The following CARMIL2 variants were observed in gnomAD, a reference collection of about 807,000 sequenced individuals.
The protein encoded by CARMIL2 is capping protein regulator and myosin 1 linker 2.
A neutral mutation model predicts 173.3 loss-of-function variants in CARMIL2; 96 were observed. That is an observed-to-expected ratio of 0.55 (90% CI 0.47 to 0.66). The LOEUF (loss-of-function observed/expected upper bound fraction) is 0.66, where lower values mean the gene tolerates loss of function less well. CARMIL2 is among the 30% of genes least tolerant of loss of function. The pLI is 0.00. For missense variants in CARMIL2, 1,771 were observed against 1,906.7 expected (o/e 0.93, Z 1.33); for synonymous variants, 830 against 817.1 (o/e 1.02, Z -0.27).
At position 67,645,410 on chromosome 16, in the gene CARMIL2, G is replaced by C; in HGVS notation, c.40+124G>C. On this transcript the variant is annotated intron_variant, in intron 1 of 37. Transcript: ENST00000334583. ...CTCCCTGCTCCCCAGGAGGGCAGGC[G>C]CCCCAGATCCTCTCCCCTCCTTCCT... is the stretch of plus-strand genomic sequence containing the variant. 3 of 1,362,920 alleles carry C rather than the reference G, an allele frequency of 2.2e-6. No individual in the cohort carries two copies. The Middle Eastern group carries it at 5.5e-4, about 250-fold the overall frequency. The allele number at this position is 1,362,920 out of a possible 1,614,324, so 84.4% of individuals were successfully genotyped here.
chr16:67,650,749 G>A, intron 22 of CARMIL2: 1 of 177,392 alleles, frequency 5.6e-6, no homozygotes, highest in African/African-American at 2.4e-5. Flanking sequence ...ACCCTTCCAG[G>A]TCTCTCCTGG....
chr16:67,648,858 G>C lies in CARMIL2; in HGVS notation c.1510-35G>C, dbSNP rs761855724. 1.9e-6 allele frequency: 3 copies of C among 1,586,656 alleles called. No individual in the cohort carries two copies. The highest frequency in any genetic ancestry group is 2.3e-5 in the South Asian group (2 of 87,548). ...CCCCTCCCCACTCGCGGCCTAAGTG[G>C]GTCCCACTTCCCACCTCCCACCTCC... On this transcript the variant is annotated intron_variant, in intron 16 of 37. Transcript: ENST00000334583. The surrounding 1 kb of genome is among the most constrained non-coding windows in gnomAD (Gnocchi z 6.1).
At position 67,651,691 on chromosome 16, in the gene CARMIL2, A is replaced by T; in HGVS notation, c.2434A>T (p.Thr812Ser). ...CTGACTGACCTTTGTCTAGGACTTC[A>T]CTCAGGCCACACTGGACACAGCAAG... is the stretch of plus-strand genomic sequence containing the variant. ...EVCRQDIQDF[T>S]QATLDTARSL... The change falls in exon 25 of 38, where the codon ACT becomes TCT. Residue 812 changes from threonine (T) to serine (S), a missense_variant. Thr to Ser is a moderately conservative substitution (Grantham distance 58). Around this residue, in one of 3 missense-constraint regions of CARMIL2, gnomAD observed 817 missense variants for 903.5 expected, o/e 0.90. Coordinates refer to ENST00000334583, the MANE Select transcript of CARMIL2 (RefSeq NM_001013838.3). This position sits in a 1 kb window ranked among gnomAD's most constrained non-coding sequence, Gnocchi z 4.2. The T allele has an allele frequency of 6.2e-7, 1 of 1,606,340 alleles. No individual in the cohort carries two copies. The highest frequency in any genetic ancestry group is 8.5e-7 in the Non-Finnish European group (1 of 1,177,142).
chr16:67,645,487 C>T (rs1196276456), intron 1 of CARMIL2, 53 bp from the exon 2 acceptor site: 5 of 1,484,518 alleles, frequency 3.4e-6, no homozygotes, highest in Non-Finnish European at 3.7e-6. Flanking sequence ...ACTGTGGGCA[C>T]CAGTGGCTTC....
rs746945325 is a variant in CARMIL2 at position 67,657,308 on chromosome 16, C to T, written c.4187C>T (p.Pro1396Leu). 6.2e-7 allele frequency: 1 copy of T among 1,613,768 alleles called. No homozygotes were observed. The highest frequency in any genetic ancestry group is 1.1e-5 in the South Asian group (1 of 91,046). Residue 1396 changes from proline (P) to leucine (L), a missense_variant, in exon 37 of 38, where the codon CCA becomes CTA. Pro to Leu is a moderately conservative substitution (Grantham distance 98). Coordinates refer to ENST00000334583, the MANE Select transcript of CARMIL2 (RefSeq NM_001013838.3). The surrounding 1 kb of genome is among the most constrained non-coding windows in gnomAD (Gnocchi z 4.5). ...CCAAAACTCGAGGCACCTCCATCCC[C>T]AAGCCTAGGTAAGAGGGGGTCCAGG... ...RRPKLEAPPS[P>L]SLGSGLGTEP...
Position 67,654,385 on chromosome 16 carries a change from G to A in CARMIL2, c.3275G>A (p.Arg1092His), listed in dbSNP as rs749823173. The A allele has an allele frequency of 2.5e-6, 4 of 1,606,958 alleles. No individual in the cohort carries two copies. The highest frequency in any genetic ancestry group is 2.7e-5 in the African/African-American group (2 of 74,776). The part of the protein sequence containing the change: ...ATEGGATPVP[R>H]TLRKKLGTLF... Reference sequence around the variant, plus strand: ...GAGGGGGGCGCCACTCCTGTCCCCCGTACACTGCGAAAGAAGCTGGGCACC... The same window carrying A: ...GAGGGGGGCGCCACTCCTGTCCCCCATACACTGCGAAAGAAGCTGGGCACC... Residue 1092 changes from arginine (R) to histidine (H), a missense_variant, in exon 31 of 38, where the codon CGT becomes CAT. Arg to His is a conservative substitution (Grantham distance 29, BLOSUM62 0). This residue lies in a region of CARMIL2 where 817 missense variants were observed against 903.5 expected (regional missense o/e 0.90). Transcript: ENST00000334583.
In CARMIL2 at chr16:67,648,526, C is replaced by T. The variant is rs1175866263; in HGVS notation, c.1439+24C>T. The T allele has an allele frequency of 1.9e-5, 27 of 1,458,504 alleles. No individual in the cohort carries two copies. The highest frequency in any genetic ancestry group is 2.2e-5 in the Non-Finnish European group (24 of 1,097,774). 90.3% of individuals were successfully genotyped at this position (1,458,504 alleles called of 1,614,324 possible). ...AGGTCAGTGTCGGACCCCGGCCACG[C>T]CCCCGCGGGCGCTCCCACCCTGCCC... On this transcript the variant is annotated intron_variant, in intron 15 of 37. Transcript: ENST00000334583. This position sits in a 1 kb window ranked among gnomAD's most constrained non-coding sequence, Gnocchi z 6.1.
chr16:67,657,481 C>A lies in CARMIL2; in HGVS notation c.4271C>A (p.Pro1424Gln), dbSNP rs750403914. ...AGCCCTGAGCGGAGCCCACCCTCCC[C>A]AGCCACAGACCAAAGAGGCGGCGGC... ...PSSPERSPPS[P>Q]ATDQRGGGPN... The change falls in exon 38 of 38, where the codon CCA becomes CAA. Residue 1424 changes from proline to glutamine, a missense_variant. Transcript: ENST00000334583. This position sits in a 1 kb window ranked among gnomAD's most constrained non-coding sequence, Gnocchi z 4.5. 6 of 1,612,592 alleles carry A rather than the reference C, an allele frequency of 3.7e-6. No individual in the cohort carries two copies. The South Asian group carries it at 6.6e-5, about 18-fold the overall frequency.
In CARMIL2 at chr16:67,649,204, GACA is replaced by G. The variant is rs1246223667; in HGVS notation, c.1688+36_1688+38del. 1 of 1,612,712 alleles carries G rather than the reference GACA, an allele frequency of 6.2e-7. No individual in the cohort carries two copies. The highest frequency in any genetic ancestry group is 1.3e-5 in the African/African-American group (1 of 74,876). ...CCCCACCCTACTCCTGGGCCTCCCA[GACA>G]ACACCCCACCACCCCTGTCCCCCAC... is the stretch of plus-strand genomic sequence containing the variant. On this transcript the variant is annotated intron_variant, in intron 18 of 37. Coordinates refer to ENST00000334583, the MANE Select transcript of CARMIL2 (RefSeq NM_001013838.3). This position sits in a 1 kb window ranked among gnomAD's most constrained non-coding sequence, Gnocchi z 6.7.
At chr16:67,656,356 G>A (rs777672396) in intron 34 of CARMIL2, 57 bp downstream of exon 34, 29 of 1,611,308 alleles carry the variant, frequency 1.8e-5, no homozygotes, top group Non-Finnish European at 2.5e-5. Context: ...CAGGAGTTGG[G>A]TCAGACTGTT....
Position 67,646,525 on chromosome 16 carries a change from T to A in CARMIL2, c.466+8T>A, listed in dbSNP as rs554306033. On this transcript the variant is annotated splice_region_variant and intron_variant, in intron 6 of 37. Transcript: ENST00000334583. The surrounding 1 kb of genome is among the most constrained non-coding windows in gnomAD (Gnocchi z 4.6). ...ACCCCTGCAGCCCCTGTGGTAAGGG[T>A]GAAGGCAGAGCCACAGGCCTTCCAG... 1 of 1,611,882 alleles carries A rather than the reference T, an allele frequency of 6.2e-7. No homozygotes were observed. Among genetic ancestry groups the A allele is most frequent in the South Asian group, 1.1e-5 (1 of 90,996 alleles).
intron 8 of CARMIL2, 61 bp from the exon 9 acceptor site, chr16:67,647,055 C>G: frequency 6.2e-7 from 1 of 1,607,766 alleles, no homozygotes; most frequent in Non-Finnish European, 8.5e-7. Flanking sequence ...GGAGGGGCTG[C>G]TGGGCCTGGG....
At position 67,656,281 on chromosome 16, in the gene CARMIL2, A is replaced by G; in HGVS notation, c.3796A>G (p.Thr1266Ala). The stretch of plus-strand genomic sequence containing the variant: ...CCCTCCCATCTCGATCAAGTCCCGC[A>G]CCCACTCTGTGTCTGCTGGTGAGTG... The part of the protein sequence containing the change: ...EAPPISIKSR[T>A]HSVSADPSCR... The change falls in exon 34 of 38, where the codon ACC becomes GCC. Residue 1266 changes from threonine (T) to alanine (A), a missense_variant. Coordinates refer to ENST00000334583, the MANE Select transcript of CARMIL2 (RefSeq NM_001013838.3). The G allele has an allele frequency of 1.2e-6, 2 of 1,613,888 alleles. No individual in the cohort carries two copies. The highest frequency in any genetic ancestry group is 2.2e-5 in the East Asian group (1 of 44,878).
chr16:67,651,789 G>A lies in CARMIL2; in HGVS notation c.2532G>A (p.Arg844=). Residue 844 remains arginine, a synonymous_variant, in exon 25 of 38, where the codon AGG becomes AGA. Coordinates refer to ENST00000334583, the MANE Select transcript of CARMIL2 (RefSeq NM_001013838.3). The surrounding 1 kb of genome is among the most constrained non-coding windows in gnomAD (Gnocchi z 4.2). ...EQLEGVLAGS[R]GLPELLPEQL... ...TAGAGGGGGTCCTGGCAGGCTCGAG[G>A]GGCCTCCCGGAGCTGCTCCCAGAGC... 6.2e-7 allele frequency: 1 copy of A among 1,609,632 alleles called. No individual in the cohort carries two copies. The highest frequency in any genetic ancestry group is 8.5e-7 in the Non-Finnish European group (1 of 1,178,622).
At position 67,656,218 on chromosome 16, in the gene CARMIL2, C is replaced by G; in HGVS notation, c.3743-10C>G. On this transcript the variant is annotated splice_polypyrimidine_tract_variant and intron_variant, in intron 33 of 37. Transcript: ENST00000334583. The stretch of plus-strand genomic sequence containing the variant: ...GGTCTGGTACCTGAGTCCCCAGCTC[C>G]GCCTTGCAGGTGACATTATGGACAG... 6.2e-7 allele frequency: 1 copy of G among 1,613,904 alleles called. No individual in the cohort carries two copies. The highest frequency in any genetic ancestry group is 8.5e-7 in the Non-Finnish European group (1 of 1,179,828).
Position 67,648,391 on chromosome 16 carries a change from C to A in CARMIL2, c.1335-7C>A. 1 of 1,534,990 alleles carries A rather than the reference C, an allele frequency of 6.5e-7. No homozygotes were observed. ...CGGCCCCAGGCCCACCTTCCCACTTCCCCCAGGAAGTCCCGCGCCGCGCCG... is the reference window on the plus strand; with the variant it reads ...CGGCCCCAGGCCCACCTTCCCACTTACCCCAGGAAGTCCCGCGCCGCGCCG... On this transcript the variant is annotated splice_region_variant and splice_polypyrimidine_tract_variant and intron_variant, in intron 14 of 37. Transcript: ENST00000334583. The surrounding 1 kb of genome is among the most constrained non-coding windows in gnomAD (Gnocchi z 6.1).
At position 67,647,721 on chromosome 16, in the gene CARMIL2, G is replaced by C. The variant is rs750519006; in HGVS notation, c.913G>C (p.Ala305Pro). Reference sequence around the variant, plus strand: ...CAGACACCTCGAGCGTTGTCCAGGAGCCCTGAGGAGACTCAGCCTGGCCCA... The same window carrying C: ...CAGACACCTCGAGCGTTGTCCAGGACCCCTGAGGAGACTCAGCCTGGCCCA... ...LSRHLERCPG[A>P]LRRLSLAQTG... The change falls in exon 12 of 38, where the codon GCC becomes CCC. Residue 305 changes from alanine to proline, a missense_variant. By Grantham distance (27) the Ala-to-Pro change is conservative. Around this residue, in one of 3 missense-constraint regions of CARMIL2, gnomAD observed 944 missense variants for 975.6 expected, o/e 0.97. Coordinates refer to ENST00000334583, the MANE Select transcript of CARMIL2 (RefSeq NM_001013838.3). 4 of 1,473,816 alleles carry C rather than the reference G, an allele frequency of 2.7e-6. No homozygotes were observed. The South Asian group carries it at 3.5e-5, about 13-fold the overall frequency. 91.3% of individuals were successfully genotyped at this position (1,473,816 alleles called of 1,614,324 possible).
At chr16:67,656,949 C>T (rs1448501024) in intron 36 of CARMIL2, 68 bp downstream of exon 36, 3 of 1,301,368 alleles carry the variant, frequency 2.3e-6, no homozygotes, top group Non-Finnish European at 3.2e-6. Context: ...CTGGGGCTCC[C>T]TTCATAGCTT....
In CARMIL2 at chr16:67,649,649, G is replaced by A. The variant is rs756616367; in HGVS notation, c.1919+30G>A. 1.9e-6 allele frequency: 3 copies of A among 1,569,144 alleles called. No homozygotes were observed. The highest frequency in any genetic ancestry group is 1.3e-5 in the African/African-American group (1 of 74,468). ...GCGGGGTCAGAGGGGTGGGACCAGC[G>A]GGCAGGGGGCGCGGTGGAGAGGAGG... On this transcript the variant is annotated intron_variant, in intron 20 of 37. Transcript: ENST00000334583. This position sits in a 1 kb window ranked among gnomAD's most constrained non-coding sequence, Gnocchi z 6.7.
Sources: gnomAD v4.1 joint callset for allele counts on GRCh38, gnomAD v4.1.1 for gene constraint, gnomAD v4.1.1 regional missense constraint, Gnocchi (gnomAD v3.1) non-coding constraint, MANE v1.5 for transcripts, NCBI Gene and HGNC (gene_info 2026-07-23, HGNC 2026-07-21) for gene names.